GPC5: variants seen among roughly 807,000 people sequenced by gnomAD.
GPC5 encodes the protein glypican 5, also known as glypican-5.
GPC5 carries 47 observed loss-of-function variants against 53.9 expected under a neutral mutation model. That is an observed-to-expected ratio of 0.87 (90% CI 0.69 to 1.11). The LOEUF is 1.11. Ranked by LOEUF, GPC5 falls within the 50% of genes most tolerant of loss-of-function variation. The probability of loss-of-function intolerance (pLI) is 0.00; values close to 1 mark genes in which losing one functional copy is unlikely to be tolerated. For synonymous variants in GPC5, 286 were observed against 263.3 expected, an observed-to-expected ratio of 1.09 and a Z score of -0.84; for missense variants, 748 against 713.1, an observed-to-expected ratio of 1.05 and a Z score of -0.56.
intron 7 of GPC5, among the ~76,000 whole-genome samples, chr13:92,363,146 C>A (rs747016293): frequency 7.3e-5 from 11 of 151,662 alleles, no homozygotes; most frequent in Non-Finnish European, 1.5e-4. Flanking sequence ...TGAGAGGTAA[C>A]TACCAAAAGT....
intron 6 of GPC5, among the ~76,000 whole-genome samples, chr13:92,065,467 T>G (rs2041160583): frequency 6.6e-6 from 1 of 152,132 alleles, no homozygotes; most frequent in Non-Finnish European, 1.5e-5. Flanking sequence ...TTAGCAAAGT[T>G]AATGAGTCCC....
At chr13:92,463,151 A>C (rs1878561744) in intron 7 of GPC5, among the ~76,000 whole-genome samples, 1 of 152,168 alleles carries the variant, frequency 6.6e-6, no homozygotes, top group South Asian at 2.1e-4. Context: ...TTACATGAGG[A>C]AAATATCAAG....
rs113459492 is a variant in GPC5, at chr13:92,443,780, G to A, written c.1561+298791G>A. On this transcript the variant is annotated intron_variant, in intron 7 of 7. Coordinates refer to ENST00000377067, the MANE Select transcript of GPC5 (RefSeq NM_004466.6). ...ATGCAGTAGCCTCACATTTCTGAAA[G>A]CATTAGTGCAGGTGGCCATCTATTG... Among the ~76,000 whole-genome samples, 585 of 152,286 alleles carry A rather than the reference G, an allele frequency of 3.8e-3. 6 individuals are homozygous for A. Among genetic ancestry groups the A allele is most frequent in the African/African-American group, 0.014 (566 of 41,556 alleles).
chr13:91,812,474 T>A (rs1232478046), intron 5 of GPC5, among the ~76,000 whole-genome samples: 1 of 152,216 alleles, frequency 6.6e-6, no homozygotes, highest in East Asian at 1.9e-4. Flanking sequence ...TATGAAGTGA[T>A]TAGAACATGT....
At chr13:92,389,851 T>C (rs1286554750) in intron 7 of GPC5, among the ~76,000 whole-genome samples, 5 of 152,164 alleles carry the variant, frequency 3.3e-5, no homozygotes, top group Admixed American at 2.6e-4. Context: ...TTACTCAGTT[T>C]TTCAGTCCAT....
At chr13:92,636,245 T>G (rs560867427) in intron 7 of GPC5, among the ~76,000 whole-genome samples, 1 of 152,340 alleles carries the variant, frequency 6.6e-6, no homozygotes, top group East Asian at 1.9e-4. Flanking sequence ...AAGCATTCAT[T>G]TTTTGACCAA....
At chr13:92,670,405 T>C (rs1886706479) in intron 7 of GPC5, among the ~76,000 whole-genome samples, 1 of 152,208 alleles carries the variant, frequency 6.6e-6, no homozygotes, top group Non-Finnish European at 1.5e-5. Flanking sequence ...TAGAGGACTT[T>C]CTTGGCAGAG....
intron 4 of GPC5, among the ~76,000 whole-genome samples, chr13:91,753,412 C>T (rs2037221444): frequency 6.6e-6 from 1 of 152,136 alleles, no homozygotes; most frequent in East Asian, 1.9e-4. Context: ...GTTATCTTAA[C>T]ACTCTTACTT....
At chr13:92,808,440 T>G (rs796828068) in intron 7 of GPC5, among the ~76,000 whole-genome samples, 8 of 152,170 alleles carry the variant, frequency 5.3e-5, no homozygotes, top group African/African-American at 1.9e-4. Context: ...TATATTTGGT[T>G]GTTGTTAGAG....
intron 7 of GPC5, among the ~76,000 whole-genome samples, chr13:92,344,375 G>C (rs1170854084): frequency 1.3e-5 from 2 of 152,202 alleles, no homozygotes; most frequent in Middle Eastern, 3.4e-3. Flanking sequence ...CAGGGATTAT[G>C]GGAACTGCAA....
At chr13:92,456,429 A>C (rs1372069231) in intron 7 of GPC5, among the ~76,000 whole-genome samples, 2 of 152,188 alleles carry the variant, frequency 1.3e-5, no homozygotes, top group African/African-American at 2.4e-5. Flanking sequence ...GACATTAGCT[A>C]AGTTTACTTC....
intron 7 of GPC5, among the ~76,000 whole-genome samples, chr13:92,298,191 C>T (rs780143534): frequency 6.6e-6 from 1 of 152,146 alleles, no homozygotes; most frequent in Non-Finnish European, 1.5e-5. Flanking sequence ...CCACAGCACC[C>T]AGTCTGTTTC....
intron 7 of GPC5, among the ~76,000 whole-genome samples, chr13:92,792,389 A>T (rs1594510580): frequency 6.6e-6 from 1 of 152,174 alleles, no homozygotes; most frequent in Non-Finnish European, 1.5e-5. Flanking sequence ...CCTGCCTTAC[A>T]AGAGCTCCTG....
intron 1 of GPC5, among the ~76,000 whole-genome samples, chr13:91,433,157 GT>G (rs200228305): frequency 6.2e-4 from 92 of 147,494 alleles, no homozygotes; most frequent in East Asian, 4.4e-3. Context: ...TTTTTCTTAA[GT>G]TTTTTTTTTC....
chr13:91,904,415 G>C (rs542763187), intron 5 of GPC5, among the ~76,000 whole-genome samples: 2 of 151,890 alleles, frequency 1.3e-5, no homozygotes, highest in African/African-American at 2.4e-5. Flanking sequence ...AATGTAATTA[G>C]AGAAAAAAAT....
intron 7 of GPC5, among the ~76,000 whole-genome samples, chr13:92,314,019 A>C (rs569687534): frequency 1.1e-4 from 16 of 152,104 alleles, no homozygotes; most frequent in Non-Finnish European, 2.4e-4. Flanking sequence ...CAAAACACTA[A>C]TTGCATTACA....
At chr13:91,788,564 T>A (rs1286343768) in intron 5 of GPC5, among the ~76,000 whole-genome samples, 2 of 152,212 alleles carry the variant, frequency 1.3e-5, no homozygotes, top group East Asian at 3.8e-4. Context: ...TGATGGGGAA[T>A]CCAGAATTAT....
chr13:91,873,560 G>A lies in GPC5; in HGVS notation c.1281-34377G>A, dbSNP rs146233872. Among the ~76,000 whole-genome samples the A allele has an allele frequency of 6.6e-3, 1,004 of 152,198 alleles. 15 individuals are homozygous for A. The highest frequency in any genetic ancestry group is 0.023 in the African/African-American group (953 of 41,514). ...GTCCCCCTGCACAAGCTCTCTTGTCGGCCGCCATGTGAGACATGGCTTTCA... is the reference window on the plus strand; with the variant it reads ...GTCCCCCTGCACAAGCTCTCTTGTCAGCCGCCATGTGAGACATGGCTTTCA... On this transcript the variant is annotated intron_variant, in intron 5 of 7. Coordinates refer to ENST00000377067, the MANE Select transcript of GPC5 (RefSeq NM_004466.6).
At position 92,545,628 on chromosome 13, in the gene GPC5, G is replaced by A. The variant is rs139582401; in HGVS notation, c.1562-320654G>A. Among the ~76,000 whole-genome samples, 164 of 152,236 alleles carry A rather than the reference G, an allele frequency of 1.1e-3. 1 individual carries two copies. The highest frequency in any genetic ancestry group is 6.8e-3 in the Middle Eastern group (2 of 294). ...ATCGCCATTCTAACTGGTGTGAGAC[G>A]GTATCTCATTGTAGTTTTGACTTGC... On this transcript the variant is annotated intron_variant, in intron 7 of 7. Transcript: ENST00000377067.
Sources: gnomAD v4.1 joint callset for allele counts (sites outside exome capture counted in the v4.1 genomes callset) on GRCh38, gnomAD v4.1.1 for gene constraint, MANE v1.5 for transcripts, NCBI Gene and HGNC (gene_info 2026-07-23, HGNC 2026-07-21) for gene names.